GABRB1: variants seen among roughly 807,000 people sequenced by gnomAD.
GABRB1 encodes the protein gamma-aminobutyric acid type A receptor subunit beta1.
A neutral mutation model predicts 51.6 loss-of-function variants in GABRB1; 17 were observed. That is an observed-to-expected ratio of 0.33 (90% CI 0.23 to 0.49). GABRB1 has a LOEUF of 0.49. Among genes scored for constraint, GABRB1 ranks in the 20% least tolerant of loss-of-function variants. The pLI is 0.99. For synonymous variants in GABRB1, 247 were observed against 218.9 expected (o/e 1.13, Z -1.14); for missense variants, 410 against 600.6 (o/e 0.68, Z 3.32).
intron 5 of GABRB1, among the ~76,000 whole-genome samples, chr4:47,378,190 T>C (rs1727457139): frequency 6.6e-6 from 1 of 152,194 alleles, no homozygotes; most frequent in African/African-American, 2.4e-5. Flanking sequence ...TCCCGAACCC[T>C]GCCCCGCGGG....
In GABRB1 at chr4:47,089,023, T is replaced by C. The variant is rs1421215552; in HGVS notation, c.240+56539T>C. 2.0e-5 allele frequency among the ~76,000 whole-genome samples: 3 copies of C among 152,232 alleles called. No individual in the cohort carries two copies. In the East Asian group the frequency reaches 5.8e-4, roughly 29 times the overall value. Reference sequence around the variant, plus strand: ...CTGCCAATTCCCAGGATTTTTAAAATGTTTATTGTCAAACCTACATAATGG... The same window carrying C: ...CTGCCAATTCCCAGGATTTTTAAAACGTTTATTGTCAAACCTACATAATGG... On this transcript the variant is annotated intron_variant, in intron 3 of 8. Transcript: ENST00000295454.
chr4:47,044,766 G>C (rs956942410), intron 3 of GABRB1, among the ~76,000 whole-genome samples: 1 of 151,850 alleles, frequency 6.6e-6, no homozygotes, highest in Non-Finnish European at 1.5e-5. Context: ...ATTTTTGCTT[G>C]CTATTGGGGT....
intron 3 of GABRB1, chr4:47,043,097 A>C (rs1725929799): frequency 6.6e-6 from 1 of 152,138 alleles, no homozygotes; most frequent in Non-Finnish European, 1.5e-5. Flanking sequence ...CCTAAAGAAA[A>C]AATTGGGGAA....
chr4:47,279,745 G>A (rs1337255208), intron 4 of GABRB1, among the ~76,000 whole-genome samples: 7 of 151,060 alleles, frequency 4.6e-5, no homozygotes. Context: ...CCCAATTTTG[G>A]TTCTCATTGG....
At chr4:47,086,889 T>A (rs1022607463) in intron 3 of GABRB1, among the ~76,000 whole-genome samples, 5 of 152,168 alleles carry the variant, frequency 3.3e-5, no homozygotes, top group African/African-American at 1.2e-4. Context: ...ATGGGAGTGG[T>A]CACACTCATT....
At position 47,063,091 on chromosome 4, in the gene GABRB1, C is replaced by T. The variant is rs114139579; in HGVS notation, c.240+30607C>T. 6.7e-3 allele frequency among the ~76,000 whole-genome samples: 1,021 copies of T among 152,264 alleles called. 7 individuals are homozygous for T. Among genetic ancestry groups the T allele is most frequent in the Middle Eastern group, 0.02 (6 of 294 alleles). On this transcript the variant is annotated intron_variant, in intron 3 of 8. Transcript: ENST00000295454. ...TAAAATCCAAAGATTTTATATAGCT[C>T]TAAGGCCCTAAGCAATCCCTCTGTG... is the stretch of plus-strand genomic sequence containing the variant.
intron 5 of GABRB1, among the ~76,000 whole-genome samples, chr4:47,348,212 C>T (rs925637486): frequency 6.6e-6 from 1 of 152,154 alleles, no homozygotes. Flanking sequence ...TGTTATCATG[C>T]TGTTCAGTTA....
chr4:47,209,398 C>G (rs888176329), intron 4 of GABRB1, among the ~76,000 whole-genome samples: 1 of 152,112 alleles, frequency 6.6e-6, no homozygotes, highest in African/African-American at 2.4e-5. Flanking sequence ...TCTATTAAAT[C>G]TAATTTCATA....
intron 3 of GABRB1, among the ~76,000 whole-genome samples, chr4:47,034,528 T>A (rs972122180): frequency 1.2e-4 from 19 of 152,136 alleles, no homozygotes; most frequent in African/African-American, 4.6e-4. Context: ...TCTACTACAA[T>A]CCCCATTACC....
chr4:47,205,247 C>A (rs969023924), intron 4 of GABRB1, among the ~76,000 whole-genome samples: 1 of 152,032 alleles, frequency 6.6e-6, no homozygotes. Context: ...AGAAAGAAGG[C>A]ACTAATATAA....
rs1356924415 is a variant in GABRB1 at position 47,130,793 on chromosome 4, T to C, written c.241-30456T>C. On this transcript the variant is annotated intron_variant, in intron 3 of 8. Transcript: ENST00000295454. ...GGACTGTATGATGTTTTATTTATTA[T>C]TATATTTCCAGCTCTCAGTACAGTG... Among the ~76,000 whole-genome samples, 4 of 152,220 alleles carry C rather than the reference T, an allele frequency of 2.6e-5. No individual in the cohort carries two copies. The East Asian group carries it at 5.8e-4, about 22-fold the overall frequency.
intron 4 of GABRB1, among the ~76,000 whole-genome samples, chr4:47,176,789 T>C (rs1409702305): frequency 6.6e-6 from 1 of 152,110 alleles, no homozygotes; most frequent in African/African-American, 2.4e-5. Flanking sequence ...CTTGGACCAT[T>C]CATTCTTCAT....
At chr4:47,233,942 G>T (rs944780906) in intron 4 of GABRB1, among the ~76,000 whole-genome samples, 40 of 152,176 alleles carry the variant, frequency 2.6e-4, no homozygotes, top group Admixed American at 2.0e-3. Context: ...CTTCTATCTT[G>T]TTTTTCCCTG....
chr4:47,311,711 TGG>T (rs1724694816), intron 4 of GABRB1, among the ~76,000 whole-genome samples: 1 of 152,184 alleles, frequency 6.6e-6, no homozygotes, highest in African/African-American at 2.4e-5. Context: ...ACTAAGCTTG[TGG>T]TACCTTGTTA....
chr4:47,395,758 T>C (rs1487747735), intron 5 of GABRB1, among the ~76,000 whole-genome samples: 1 of 152,204 alleles, frequency 6.6e-6, no homozygotes, highest in Non-Finnish European at 1.5e-5. Flanking sequence ...ATCATCCATC[T>C]TCCTAGTCCC....
intron 3 of GABRB1, among the ~76,000 whole-genome samples, chr4:47,041,945 A>T (rs1407639935): frequency 6.6e-6 from 1 of 152,062 alleles, no homozygotes; most frequent in African/African-American, 2.4e-5. Flanking sequence ...ACCAGAGAGA[A>T]TTATACTGGA....
At chr4:47,404,873 G>A (rs1728517676) in intron 7 of GABRB1, among the ~76,000 whole-genome samples, 1 of 152,190 alleles carries the variant, frequency 6.6e-6, no homozygotes, top group Non-Finnish European at 1.5e-5. Flanking sequence ...TTTATGAATT[G>A]TGGTTTTCCT....
At chr4:47,202,503 A>G (rs1719935675) in intron 4 of GABRB1, among the ~76,000 whole-genome samples, 1 of 152,232 alleles carries the variant, frequency 6.6e-6, no homozygotes, top group African/African-American at 2.4e-5. Context: ...GTAGGAAACT[A>G]TAAGTTTTGA....
chr4:47,379,275 G>A (rs752114198), intron 5 of GABRB1, among the ~76,000 whole-genome samples: 32 of 152,124 alleles, frequency 2.1e-4, no homozygotes, highest in Non-Finnish European at 4.1e-4. Flanking sequence ...ATAGTTTGAC[G>A]TATACAATTT....
Sources: allele counts gnomAD v4.1 joint callset (sites outside exome capture counted in the v4.1 genomes callset), GRCh38; gene constraint gnomAD v4.1.1; transcripts MANE v1.5; gene names NCBI Gene and HGNC (gene_info 2026-07-23, HGNC 2026-07-21).